RAPGEF5: variants seen among roughly 807,000 people sequenced by gnomAD.
RAPGEF5 encodes Rap guanine nucleotide exchange factor 5.
Under a neutral mutation model 125.2 loss-of-function variants are expected in RAPGEF5, and 65 were observed. That is an observed-to-expected ratio of 0.52 (90% CI 0.43 to 0.64). RAPGEF5 has a LOEUF of 0.64. Ranked by LOEUF, RAPGEF5 falls within the 30% of genes least tolerant of loss-of-function variation. The pLI is 0.00. For synonymous variants in RAPGEF5, 391 were observed against 385.9 expected, an observed-to-expected ratio of 1.01 and a Z score of -0.16; for missense variants, 958 against 1,048.1, an observed-to-expected ratio of 0.91 and a Z score of 1.19.
At chr7:22,226,170 A>C (rs1248261551) in intron 8 of RAPGEF5, among the ~76,000 whole-genome samples, 3 of 152,256 alleles carry the variant, frequency 2.0e-5, no homozygotes, top group African/African-American at 7.2e-5. Flanking sequence ...GGGAAACCAG[A>C]AAGAAAGAGT....
intron 8 of RAPGEF5, among the ~76,000 whole-genome samples, chr7:22,220,820 G>A (rs927847632): frequency 1.4e-4 from 21 of 151,748 alleles, no homozygotes. Flanking sequence ...ATCTAATAAA[G>A]AAATCCAAAG....
chr7:22,159,280 A>G (rs1583427157), intron 14 of RAPGEF5, among the ~76,000 whole-genome samples: 2 of 152,266 alleles, frequency 1.3e-5, no homozygotes, highest in Non-Finnish European at 2.9e-5. Flanking sequence ...TCTAAGGTAC[A>G]GTGCTAACTT....
intron 5 of RAPGEF5, among the ~76,000 whole-genome samples, chr7:22,294,828 T>C (rs1583556179): frequency 6.6e-6 from 1 of 152,210 alleles, no homozygotes; most frequent in East Asian, 1.9e-4. Context: ...TGTAAGTTAG[T>C]TCATGTCCCT....
chr7:22,243,606 G>A (rs764097886), intron 7 of RAPGEF5, among the ~76,000 whole-genome samples: 3 of 152,106 alleles, frequency 2.0e-5, no homozygotes, highest in Non-Finnish European at 4.4e-5. Context: ...TATTTCTTAA[G>A]TTTTAATTTT....
chr7:22,149,608 T>G (rs534549883), intron 18 of RAPGEF5, among the ~76,000 whole-genome samples: 12 of 152,310 alleles, frequency 7.9e-5, no homozygotes, highest in Non-Finnish European at 1.8e-4. Context: ...GTTCTACATT[T>G]CTCCAGACTC....
intron 17 of RAPGEF5, among the ~76,000 whole-genome samples, chr7:22,154,206 G>T (rs1400429714): frequency 6.6e-6 from 1 of 152,028 alleles, no homozygotes; most frequent in Non-Finnish European, 1.5e-5. Context: ...AATATGAAAA[G>T]CTTTATAATG....
At chr7:22,143,596 C>G (rs1337483050) in intron 20 of RAPGEF5, among the ~76,000 whole-genome samples, 1 of 152,228 alleles carries the variant, frequency 6.6e-6, no homozygotes, top group Non-Finnish European at 1.5e-5. Context: ...ACAGGCTCTG[C>G]TTCATTGTCT....
chr7:22,206,893 C>T (rs1213612292), intron 9 of RAPGEF5, among the ~76,000 whole-genome samples: 5 of 151,870 alleles, frequency 3.3e-5, no homozygotes, highest in African/African-American at 4.8e-5. Context: ...CAATATGCAA[C>T]AAATATGACA....
intron 18 of RAPGEF5, 69 bp from the exon 19 acceptor site, chr7:22,147,088 G>T: frequency 1.9e-6 from 3 of 1,557,194 alleles, no homozygotes; most frequent in Non-Finnish European, 2.6e-6. Flanking sequence ...GCTGGCTGTA[G>T]AAAGGCACTA....
At chr7:22,276,946 C>T (rs1397735320) in intron 6 of RAPGEF5, among the ~76,000 whole-genome samples, 1 of 152,136 alleles carries the variant, frequency 6.6e-6, no homozygotes, top group Admixed American at 6.5e-5. Context: ...TCTTTAATTG[C>T]TTTAATATTG....
intron 11 of RAPGEF5, among the ~76,000 whole-genome samples, chr7:22,172,564 A>T (rs576638211): frequency 6.6e-6 from 1 of 152,302 alleles, no homozygotes; most frequent in South Asian, 2.1e-4. Flanking sequence ...TTCCCATTTT[A>T]TTTCTGCAAA....
rs190735188 is a variant in RAPGEF5 at position 22,155,991 on chromosome 7, C to G, written c.1636+819G>C. On this transcript the variant is annotated intron_variant, in intron 16 of 25. Coordinates refer to ENST00000665637, the MANE Select transcript of RAPGEF5 (RefSeq NM_012294.5). Reference sequence around the variant, plus strand: ...TTAGATAATTTTATTTTCTCTTTCACTTGGTACGGATGACACTTAATATGA... The same window carrying G: ...TTAGATAATTTTATTTTCTCTTTCAGTTGGTACGGATGACACTTAATATGA... Among the ~76,000 whole-genome samples the G allele has an allele frequency of 1.8e-4, 28 of 152,324 alleles. No individual in the cohort carries two copies. In the East Asian group the frequency reaches 4.2e-3, roughly 23 times the overall value.
intron 2 of RAPGEF5, among the ~76,000 whole-genome samples, chr7:22,316,481 ATATATATATTTT>A (rs1157324909): frequency 0.054 from 2,259 of 42,164 alleles, 32 homozygotes; most frequent in East Asian, 0.19. Context: ...ATATATATAT[ATATATATATTTT>A]TTTTTTTTTT....
At chr7:22,146,824 C>A (rs371215478) in intron 19 of RAPGEF5, 73 bp downstream of exon 19, 2 of 1,497,246 alleles carry the variant, frequency 1.3e-6, no homozygotes, top group Admixed American at 2.1e-5. Context: ...CATCACCGCA[C>A]GCATTGATAT....
At chr7:22,274,291 C>T (rs1369490426) in intron 6 of RAPGEF5, among the ~76,000 whole-genome samples, 1 of 152,074 alleles carries the variant, frequency 6.6e-6, no homozygotes, top group East Asian at 1.9e-4. Flanking sequence ...ACCTGAAAGT[C>T]CCACTTAGTG....
intron 24 of RAPGEF5, 32 bp downstream of exon 24, chr7:22,131,005 T>C (rs1583389238): frequency 2.6e-6 from 4 of 1,537,562 alleles, no homozygotes; most frequent in Non-Finnish European, 3.5e-6. Flanking sequence ...TCTGTTACTG[T>C]AAAAAAGGGA....
intron 11 of RAPGEF5, among the ~76,000 whole-genome samples, chr7:22,186,851 A>G (rs1784840465): frequency 6.6e-6 from 1 of 152,232 alleles, no homozygotes; most frequent in Admixed American, 6.5e-5. Context: ...CTGCAACACT[A>G]TTTCTGAATA....
intron 2 of RAPGEF5, among the ~76,000 whole-genome samples, chr7:22,316,350 T>TATAGATAGATAGATAGATAG (rs55885957): frequency 1.4e-5 from 2 of 145,124 alleles, no homozygotes; most frequent in Admixed American, 6.9e-5. Context: ...GTATCTACTA[T>TATAGATAGATAGATAGATAG]ATAGATAGAT....
At chr7:22,215,488 T>G in intron 9 of RAPGEF5, among the ~76,000 whole-genome samples, 1 of 152,330 alleles carries the variant, frequency 6.6e-6, no homozygotes, top group East Asian at 1.9e-4. Flanking sequence ...GTTAGTTGTG[T>G]TGATATCTTT....
Sources: gnomAD v4.1 joint callset for allele counts (sites outside exome capture counted in the v4.1 genomes callset) on GRCh38, gnomAD v4.1.1 for gene constraint, MANE v1.5 for transcripts, NCBI Gene and HGNC (gene_info 2026-07-23, HGNC 2026-07-21) for gene names.